Variants in PTPRN2 observed in about 807,000 individuals in gnomAD.
PTPRN2 encodes the protein receptor-type tyrosine-protein phosphatase N2.
In PTPRN2, 74 loss-of-function variants were observed where a neutral mutation model predicts 118.8. That is an observed-to-expected ratio of 0.62 (90% CI 0.52 to 0.76). PTPRN2 has a LOEUF of 0.76. PTPRN2 is among the 30% of genes least tolerant of loss of function. The pLI is 0.00. For synonymous variants in PTPRN2, 641 were observed against 608.0 expected (o/e 1.05, Z -0.80); for missense variants, 1,481 against 1,394.4 (o/e 1.06, Z -0.99).
At chr7:157,726,250 A>G (rs61420731) in intron 12 of PTPRN2, among the ~76,000 whole-genome samples, 478 of 59,186 alleles carry the variant, frequency 8.1e-3, no homozygotes, top group Middle Eastern at 0.011. Context: ...CCAGACCCTC[A>G]CCTCCCAGGA....
intron 12 of PTPRN2, among the ~76,000 whole-genome samples, chr7:157,743,812 G>A (rs891058782): frequency 1.3e-5 from 2 of 152,222 alleles, no homozygotes; most frequent in African/African-American, 2.4e-5. Flanking sequence ...GGCTGAGCTG[G>A]GCTTCTGGCA....
intron 2 of PTPRN2, among the ~76,000 whole-genome samples, chr7:158,384,106 T>C (rs1811156298): frequency 6.6e-6 from 1 of 152,186 alleles, no homozygotes; most frequent in African/African-American, 2.4e-5. Context: ...CACACACTCA[T>C]GATTTGCGTG....
intron 11 of PTPRN2, among the ~76,000 whole-genome samples, chr7:158,008,367 C>T (rs1420140827): frequency 1.3e-5 from 2 of 152,204 alleles, no homozygotes; most frequent in East Asian, 1.9e-4. Context: ...GACACCAAAA[C>T]GCAGGGCTTT....
chr7:158,146,496 C>A (rs535598073), intron 6 of PTPRN2, among the ~76,000 whole-genome samples: 5 of 152,074 alleles, frequency 3.3e-5, no homozygotes, highest in South Asian at 2.1e-4. Flanking sequence ...CTGAGGCATG[C>A]GGATCACGAG....
At chr7:158,077,301 G>C (rs1812437373) in intron 11 of PTPRN2, among the ~76,000 whole-genome samples, 1 of 152,214 alleles carries the variant, frequency 6.6e-6, no homozygotes, top group Non-Finnish European at 1.5e-5. Flanking sequence ...ACACTCACCA[G>C]CTTCACAAAG....
intron 2 of PTPRN2, among the ~76,000 whole-genome samples, chr7:158,461,765 T>C (rs961211706): frequency 6.6e-6 from 1 of 152,228 alleles, no homozygotes; most frequent in African/African-American, 2.4e-5. Context: ...TGCTTGGTCA[T>C]ATGGGTTGTT....
Position 157,779,200 on chromosome 7 carries a change from T to C in PTPRN2, c.1789-96263A>G, listed in dbSNP as rs1348139547. On this transcript the variant is annotated intron_variant, in intron 12 of 22. Transcript: ENST00000389418. This position sits in a 1 kb window ranked among gnomAD's most constrained non-coding sequence, Gnocchi z 4.7. ...CATTGAGGATGCTGGACACGGCTTA[T>C]CTCCTGGAGGAGGGCTGCCTCCTTG... 6.6e-6 allele frequency among the ~76,000 whole-genome samples: 1 copy of C among 152,124 alleles called. No individual in the cohort carries two copies. The highest frequency in any genetic ancestry group is 1.5e-5 in the Non-Finnish European group (1 of 68,000).
chr7:157,648,857 T>A (rs1287170283), intron 14 of PTPRN2, among the ~76,000 whole-genome samples: 1 of 147,100 alleles, frequency 6.8e-6, no homozygotes, highest in Non-Finnish European at 1.5e-5. Flanking sequence ...CAGCGTGCAC[T>A]GAACTCGGTG....
At chr7:158,534,892 C>T (rs1203305105) in intron 1 of PTPRN2, among the ~76,000 whole-genome samples, 4 of 152,204 alleles carry the variant, frequency 2.6e-5, no homozygotes, top group South Asian at 2.1e-4. Flanking sequence ...GGAAACGCAG[C>T]GGGAGACAGT....
At chr7:158,155,547 TCAA>T in intron 6 of PTPRN2, among the ~76,000 whole-genome samples, 1 of 80,926 alleles carries the variant, frequency 1.2e-5, no homozygotes. Context: ...ATCATCACCA[TCAA>T]CACCATCATC....
intron 11 of PTPRN2, among the ~76,000 whole-genome samples, chr7:157,981,633 T>C (rs1342434750): frequency 1.3e-5 from 2 of 152,240 alleles, no homozygotes; most frequent in Non-Finnish European, 2.9e-5. Context: ...TAACTCAGTG[T>C]ACCAAATGAT....
At chr7:158,554,260 G>A (rs1826839599) in intron 1 of PTPRN2, among the ~76,000 whole-genome samples, 1 of 152,180 alleles carries the variant, frequency 6.6e-6, no homozygotes, top group Non-Finnish European at 1.5e-5. Context: ...GTGAGACTCC[G>A]TCTCAAACAA....
chr7:158,199,596 T>C (rs1429602215), intron 4 of PTPRN2, among the ~76,000 whole-genome samples: 4 of 152,238 alleles, frequency 2.6e-5, no homozygotes, highest in Non-Finnish European at 4.4e-5. Flanking sequence ...GAACACCAGC[T>C]ACTATGTCAC....
intron 1 of PTPRN2, among the ~76,000 whole-genome samples, chr7:158,513,875 T>A (rs1222338206): frequency 6.6e-6 from 1 of 152,232 alleles, no homozygotes; most frequent in African/African-American, 2.4e-5. Flanking sequence ...CATGTTAACA[T>A]CTTTTTAACC....
At chr7:157,561,489 C>T (rs1585033693) in intron 21 of PTPRN2, among the ~76,000 whole-genome samples, 1 of 152,250 alleles carries the variant, frequency 6.6e-6, no homozygotes, top group Non-Finnish European at 1.5e-5. Context: ...CTCTGAGCGC[C>T]GTCCCTGGGG....
chr7:158,091,608 A>G (rs1375111387), intron 10 of PTPRN2, among the ~76,000 whole-genome samples: 1 of 146,924 alleles, frequency 6.8e-6, no homozygotes, highest in East Asian at 2.2e-4. Context: ...GGATGGGTAG[A>G]GAGATGGTTG....
At position 158,287,094 on chromosome 7, in the gene PTPRN2, A is replaced by AT. The variant is rs539244722; in HGVS notation, c.277+29724dup. Among the ~76,000 whole-genome samples the AT allele has an allele frequency of 1.6e-3, 242 of 151,650 alleles. 1 individual carries two copies. Among genetic ancestry groups the AT allele is most frequent in the African/African-American group, 5.6e-3 (230 of 41,298 alleles). On this transcript the variant is annotated intron_variant, in intron 3 of 22. Coordinates refer to ENST00000389418, the MANE Select transcript of PTPRN2 (RefSeq NM_002847.5). ...CTTGGTAGGTATCATATGCTTAGGG[A>AT]TTTTCCATTTCTTCTGGGTTATCCA...
At chr7:157,922,790 T>G (rs1234702727) in intron 11 of PTPRN2, among the ~76,000 whole-genome samples, 2 of 142,782 alleles carry the variant, frequency 1.4e-5, no homozygotes, top group African/African-American at 5.4e-5. Flanking sequence ...GAAAATACTT[T>G]CAATATTTCA....
chr7:157,902,136 T>C (rs931353602), intron 11 of PTPRN2, among the ~76,000 whole-genome samples: 3 of 152,226 alleles, frequency 2.0e-5, no homozygotes, highest in African/African-American at 7.2e-5. Context: ...CTTGGAGGCC[T>C]TGGGGAGGGA....
Sources: allele counts gnomAD v4.1 joint callset (sites outside exome capture counted in the v4.1 genomes callset), GRCh38; gene constraint gnomAD v4.1.1; non-coding constraint Gnocchi (gnomAD v3.1); transcripts MANE v1.5; gene names NCBI Gene and HGNC (gene_info 2026-07-23, HGNC 2026-07-21).